Variants in ZBTB40 observed in about 807,000 individuals in gnomAD.
The protein encoded by ZBTB40 is zinc finger and BTB domain containing 40, also known as zinc finger and BTB domain-containing protein 40.
In ZBTB40, 60 loss-of-function variants were observed where a neutral mutation model predicts 117.5. The ratio of observed to expected loss-of-function variants is 0.51; its 90% CI spans 0.41 to 0.63. The LOEUF (loss-of-function observed/expected upper bound fraction) is 0.63. Ranked by LOEUF, ZBTB40 falls within the 30% of genes least tolerant of loss-of-function variation. The pLI, the probability that ZBTB40 is intolerant of heterozygous loss-of-function variation, is 0.00. For synonymous variants in ZBTB40, 525 were observed against 577.1 expected, an observed-to-expected ratio of 0.91 and a Z score of 1.29; for missense variants, 1,287 against 1,498.5, an observed-to-expected ratio of 0.86 and a Z score of 2.33.
intron 1 of ZBTB40, among the ~76,000 whole-genome samples, chr1:22,456,775 G>C (rs1641013920): frequency 6.6e-6 from 1 of 152,198 alleles, no homozygotes; most frequent in Non-Finnish European, 1.5e-5. Flanking sequence ...CTTCATAAAT[G>C]CCTTACAGAT....
intron 3 of ZBTB40, among the ~76,000 whole-genome samples, chr1:22,493,013 C>T (rs572553405): frequency 3.9e-5 from 6 of 152,172 alleles, no homozygotes; most frequent in African/African-American, 1.4e-4. Context: ...CAGCAATACT[C>T]AAGTTATTAG....
At chr1:22,455,232 T>G (rs1337457008) in intron 1 of ZBTB40, among the ~76,000 whole-genome samples, 1 of 125,428 alleles carries the variant, frequency 8.0e-6, no homozygotes, top group East Asian at 1.9e-4. Flanking sequence ...ATTTAAAAAT[T>G]TGTTTGTGCA....
chr1:22,520,889 G>A (rs1021149020), intron 14 of ZBTB40, among the ~76,000 whole-genome samples: 3 of 152,310 alleles, frequency 2.0e-5, no homozygotes, highest in East Asian at 1.9e-4. Flanking sequence ...TTGTGCCAAC[G>A]CTCATGTTGT....
chr1:22,440,423 G>T (rs1480641399), intron 1 of ZBTB40, among the ~76,000 whole-genome samples: 1 of 152,196 alleles, frequency 6.6e-6, no homozygotes, highest in Non-Finnish European at 1.5e-5. Context: ...AATTGCTTGA[G>T]CCCAGAAGTT....
intron 1 of ZBTB40, among the ~76,000 whole-genome samples, chr1:22,438,912 A>G (rs1275268716): frequency 1.3e-5 from 2 of 151,974 alleles, no homozygotes; most frequent in Admixed American, 6.6e-5. Flanking sequence ...CTGTTGCCCA[A>G]GCTGGAGTGC....
intron 1 of ZBTB40, among the ~76,000 whole-genome samples, chr1:22,431,512 G>T (rs917707843): frequency 4.6e-5 from 7 of 151,312 alleles, no homozygotes; most frequent in Admixed American, 2.0e-4. Flanking sequence ...ACCAAGGGGG[G>T]TGGGTCACCT....
Position 22,513,203 on chromosome 1 carries a change from G to A in ZBTB40, c.2668+73G>A, listed in dbSNP as rs934062007. Reference sequence around the variant, plus strand: ...TGCCTAAACCCCATTTGGATTAGGTGTGATATATATCTCAAAAACAAAACA... The same window carrying A: ...TGCCTAAACCCCATTTGGATTAGGTATGATATATATCTCAAAAACAAAACA... On this transcript the variant is annotated intron_variant, in intron 12 of 17. Transcript: ENST00000375647. This position sits in a 1 kb window ranked among gnomAD's most constrained non-coding sequence, Gnocchi z 4.9. 2.6e-6 allele frequency: 4 copies of A among 1,511,820 alleles called. No homozygotes were observed. The highest frequency in any genetic ancestry group is 3.6e-6 in the Non-Finnish European group (4 of 1,109,420). 93.7% of individuals were successfully genotyped at this position (1,511,820 alleles called of 1,614,324 possible). A position where few individuals can be genotyped will look rare whatever the true frequency, so the allele number is the denominator to read the frequency against.
At chr1:22,476,632 C>T (rs1357456639) in intron 1 of ZBTB40, among the ~76,000 whole-genome samples, 1 of 152,218 alleles carries the variant, frequency 6.6e-6, no homozygotes, top group Non-Finnish European at 1.5e-5. Flanking sequence ...GTTGAATTCC[C>T]ATTTGTGTTT....
chr1:22,483,889 A>G (rs1569822518), intron 1 of ZBTB40, among the ~76,000 whole-genome samples: 1 of 152,220 alleles, frequency 6.6e-6, no homozygotes, highest in African/African-American at 2.4e-5. Context: ...TGTATTTTAC[A>G]TATAGGTCTC....
chr1:22,523,611 C>T (rs1345019548), intron 16 of ZBTB40, among the ~76,000 whole-genome samples: 2 of 152,180 alleles, frequency 1.3e-5, no homozygotes, highest in African/African-American at 2.4e-5. Flanking sequence ...TAAAACTAGT[C>T]TACTTTTGAT....
rs1337363152 is a variant in ZBTB40, at chr1:22,511,200, A to C, written c.1855A>C (p.Thr619Pro). ...TTAGATTCTGAGCATTCCCTCTGAG[A>C]CAGCCAGCCCTGAAGCTTCCCTGAG... ...VKEILSIPSE[T>P]ASPEASLRAV... is the part of the protein sequence containing the mutation. Residue 619 changes from threonine (T) to proline (P), a missense_variant, in exon 10 of 18, where the codon ACA (threonine) becomes CCA (proline). Physicochemically the swap from Thr to Pro is conservative, Grantham distance 38 (BLOSUM62 -1). Transcript: ENST00000375647. 6.2e-7 allele frequency: 1 copy of C among 1,613,580 alleles called. No homozygotes were observed. The highest frequency in any genetic ancestry group is 1.3e-5 in the African/African-American group (1 of 74,684).
intron 1 of ZBTB40, among the ~76,000 whole-genome samples, chr1:22,430,730 C>CGTGGTT (rs981256459): frequency 2.4e-4 from 36 of 152,132 alleles, no homozygotes; most frequent in African/African-American, 8.2e-4. Flanking sequence ...TCCCAGCCTC[C>CGTGGTT]GTGGTTGGCT....
At chr1:22,521,014 A>G (rs762058228) in intron 14 of ZBTB40, among the ~76,000 whole-genome samples, 1 of 152,176 alleles carries the variant, frequency 6.6e-6, no homozygotes, top group Non-Finnish European at 1.5e-5. Flanking sequence ...ACTCTTGCTT[A>G]TGGGGCAAGG....
chr1:22,435,221 G>C (rs913369099), intron 1 of ZBTB40, among the ~76,000 whole-genome samples: 2 of 151,936 alleles, frequency 1.3e-5, no homozygotes, highest in Non-Finnish European at 2.9e-5. Flanking sequence ...GGCTGGTTTT[G>C]AACTCCTGAG....
At chr1:22,460,391 A>T in intron 1 of ZBTB40, among the ~76,000 whole-genome samples, 1 of 152,260 alleles carries the variant, frequency 6.6e-6, no homozygotes. Context: ...AATTTTCATA[A>T]TATTAAAATA....
At chr1:22,474,697 G>A (rs1221298914) in intron 1 of ZBTB40, among the ~76,000 whole-genome samples, 3 of 152,152 alleles carry the variant, frequency 2.0e-5, no homozygotes, top group African/African-American at 4.8e-5. Flanking sequence ...AAACAGACTA[G>A]GATCAGAGAG....
In ZBTB40 at chr1:22,512,965, C is replaced by T. The variant is rs750241632; in HGVS notation, c.2503C>T (p.Pro835Ser). Reference sequence around the variant, plus strand: ...GCTGACAGAGCACTTCGATGAGAAGCCTTTCTCCTGTGAAGAGTGTGGGGC... The same window carrying T: ...GCTGACAGAGCACTTCGATGAGAAGTCTTTCTCCTGTGAAGAGTGTGGGGC... ...HKLTEHFDEK[P>S]FSCEECGAKF... Residue 835 changes from proline (P) to serine (S), a missense_variant, in exon 12 of 18, where the codon CCT (proline) becomes TCT (serine). Coordinates refer to ENST00000375647, the MANE Select transcript of ZBTB40 (RefSeq NM_014870.4). 1 of 1,614,228 alleles carries T rather than the reference C, an allele frequency of 6.2e-7. No homozygotes were observed. The highest frequency in any genetic ancestry group is 1.1e-5 in the South Asian group (1 of 91,082).
chr1:22,510,636 T>G (rs1639207275), intron 9 of ZBTB40, among the ~76,000 whole-genome samples: 1 of 152,226 alleles, frequency 6.6e-6, no homozygotes, highest in Non-Finnish European at 1.5e-5. Context: ...CTTGGACTCT[T>G]TAAAGCTTCT....
At chr1:22,512,673 A>C (rs562993379) in intron 11 of ZBTB40, among the ~76,000 whole-genome samples, 1 of 152,324 alleles carries the variant, frequency 6.6e-6, no homozygotes, top group South Asian at 2.1e-4. Context: ...GGAATGGGGA[A>C]GATAAGCCCA....
Sources: gnomAD v4.1 joint callset for allele counts (sites outside exome capture counted in the v4.1 genomes callset) on GRCh38, gnomAD v4.1.1 for gene constraint, Gnocchi (gnomAD v3.1) non-coding constraint, MANE v1.5 for transcripts, NCBI Gene and HGNC (gene_info 2026-07-23, HGNC 2026-07-21) for gene names.